The following KLF8 variants were observed in gnomAD, a reference collection of about 807,000 sequenced individuals.
KLF8 encodes Krueppel-like factor 8.
Under a neutral mutation model 18.2 loss-of-function variants are expected in KLF8, and 10 were observed. The observed-to-expected ratio is 0.55, with a 90% CI of 0.34 to 0.93. KLF8 has a LOEUF of 0.93. Among genes scored for constraint, KLF8 ranks in the 40% least tolerant of loss-of-function variants. KLF8 has a pLI of 0.02. For missense variants in KLF8, 264 were observed against 277.9 expected (o/e 0.95, Z 0.36); for synonymous variants, 109 against 97.3 (o/e 1.12, Z -0.71).
At chrX:56,211,531 G>A in the KLF8 span, among the ~76,000 whole-genome samples, 1 of 111,998 alleles carries the variant, frequency 8.9e-6, no homozygotes, top group Non-Finnish European at 1.9e-5. Flanking sequence ...CCACTCCGTG[G>A]CTACTGTCTA....
chrX:55,951,211 C>T, the KLF8 span, among the ~76,000 whole-genome samples: 1 of 111,010 alleles, frequency 9.0e-6, no homozygotes, highest in Non-Finnish European at 1.9e-5. Flanking sequence ...CACGGTAGCT[C>T]ATGCCTGTAA....
the KLF8 span, among the ~76,000 whole-genome samples, chrX:55,942,656 G>A: frequency 9.0e-6 from 1 of 111,628 alleles, no homozygotes; most frequent in East Asian, 2.8e-4. Flanking sequence ...AATGAAGATC[G>A]TTTCGATTGG....
chrX:56,188,605 C>T, the KLF8 span, among the ~76,000 whole-genome samples: 1 of 111,957 alleles, frequency 8.9e-6, no homozygotes, highest in Non-Finnish European at 1.9e-5. Context: ...CATCATGCTA[C>T]CTGACTTCAA....
the KLF8 span, among the ~76,000 whole-genome samples, chrX:55,978,871 G>T: frequency 9.0e-6 from 1 of 111,601 alleles, no homozygotes; most frequent in African/African-American, 3.3e-5. Context: ...ATATAGTGAG[G>T]TTACAAAGAA....
At chrX:55,952,670 A>C in the KLF8 span, among the ~76,000 whole-genome samples, 1 of 112,180 alleles carries the variant, frequency 8.9e-6, no homozygotes, top group Non-Finnish European at 1.9e-5. Context: ...TCCTTTGGAC[A>C]TGTAAGGTAG....
chrX:56,154,464 G>T, the KLF8 span, among the ~76,000 whole-genome samples: 154 of 111,573 alleles, frequency 1.4e-3, 1 homozygote, highest in South Asian at 0.033. Flanking sequence ...CAAGATGGAT[G>T]AAAGACTTAA....
the KLF8 span, among the ~76,000 whole-genome samples, chrX:55,996,184 ATTC>A: frequency 1.8e-5 from 2 of 111,699 alleles, no homozygotes; most frequent in African/African-American, 6.5e-5. Context: ...GTATTATGAA[ATTC>A]TTGTAGGGAG....
chrX:56,085,635 T>C, the KLF8 span, among the ~76,000 whole-genome samples: 1 of 112,334 alleles, frequency 8.9e-6, no homozygotes, highest in African/African-American at 3.2e-5. Context: ...AGAAATAATG[T>C]TTAACTAGAA....
chrX:56,101,992 G>GT, the KLF8 span, among the ~76,000 whole-genome samples: 3 of 111,189 alleles, frequency 2.7e-5, no homozygotes, highest in Admixed American at 2.9e-4. Context: ...TGTTGCTATT[G>GT]TTTTTTAGGA....
chrX:56,225,849 C>T, the KLF8 span, among the ~76,000 whole-genome samples: 11 of 112,335 alleles, frequency 9.8e-5, no homozygotes, highest in South Asian at 4.1e-3. Flanking sequence ...TTATTCCATT[C>T]TACAAACTTT....
At chrX:56,221,557 G>A in the KLF8 span, among the ~76,000 whole-genome samples, 1 of 111,042 alleles carries the variant, frequency 9.0e-6, no homozygotes, top group Non-Finnish European at 1.9e-5. Flanking sequence ...TCTGATGTTC[G>A]AATGTGTTCG....
the KLF8 span, among the ~76,000 whole-genome samples, chrX:56,161,702 G>A: frequency 9.0e-6 from 1 of 111,187 alleles, no homozygotes; most frequent in East Asian, 2.8e-4. Flanking sequence ...ACTTCTTCAC[G>A]CCATGGGTTT....
At position 56,289,103 on chromosome X, in the gene KLF8, A is replaced by G. The variant is rs765465748; in HGVS notation, c.*4609A>G. On this transcript the variant is annotated 3_prime_UTR_variant, in exon 6 of 6. Transcript: ENST00000468660. ...TCTCCCCCATTTATTTATTTATACAATACTTTATTTATATCAGCATGGACT... is the reference window on the plus strand; with the variant it reads ...TCTCCCCCATTTATTTATTTATACAGTACTTTATTTATATCAGCATGGACT... 8.9e-6 allele frequency among the ~76,000 whole-genome samples: 1 copy of G among 112,211 alleles called. No homozygotes were observed. The highest frequency in any genetic ancestry group is 1.9e-5 in the Non-Finnish European group (1 of 53,281).
At chrX:56,068,845 GCC>G in the KLF8 span, among the ~76,000 whole-genome samples, 1 of 111,785 alleles carries the variant, frequency 8.9e-6, no homozygotes, top group African/African-American at 3.2e-5. Context: ...GACCCTGCCT[GCC>G]CCCACCACTG....
chrX:56,125,554 T>C, the KLF8 span, among the ~76,000 whole-genome samples: 2 of 112,344 alleles, frequency 1.8e-5, no homozygotes, highest in Non-Finnish European at 3.8e-5. Flanking sequence ...TCTTTTCTAG[T>C]GGTCGGCTAT....
chrX:56,122,315 C>T, the KLF8 span, among the ~76,000 whole-genome samples: 326 of 112,082 alleles, frequency 2.9e-3, no homozygotes, highest in African/African-American at 0.01. Flanking sequence ...GGCCCCACTA[C>T]TTATCAGCTG....
the KLF8 span, among the ~76,000 whole-genome samples, chrX:56,073,720 T>A: frequency 9.1e-6 from 1 of 109,768 alleles, no homozygotes; most frequent in Non-Finnish European, 1.9e-5. Context: ...GTGATTTTGA[T>A]TTGCATTTCC....
At chrX:56,028,291 G>A in the KLF8 span, among the ~76,000 whole-genome samples, 1 of 96,133 alleles carries the variant, frequency 1.0e-5, no homozygotes, top group Non-Finnish European at 1.9e-5. Context: ...CCATACAACA[G>A]TTTGGCTAGC....
intron 1 of KLF8, among the ~76,000 whole-genome samples, chrX:56,238,261 C>T (rs1602408323): frequency 1.8e-5 from 2 of 111,896 alleles, no homozygotes; most frequent in East Asian, 5.6e-4. Context: ...GGAGGATCAC[C>T]TGTCAGCAGT....
Sources: gnomAD v4.1 joint callset for allele counts (sites outside exome capture counted in the v4.1 genomes callset) on GRCh38, gnomAD v4.1.1 for gene constraint, MANE v1.5 for transcripts, NCBI Gene and HGNC (gene_info 2026-07-23, HGNC 2026-07-21) for gene names.